Variants in CCDC141 observed in about 807,000 individuals in gnomAD.
The protein encoded by CCDC141 is coiled-coil domain-containing protein 141.
CCDC141 carries 168 observed loss-of-function variants against 181.0 expected under a neutral mutation model. The ratio of observed to expected loss-of-function variants is 0.93; its 90% CI spans 0.82 to 1.05. The LOEUF (loss-of-function observed/expected upper bound fraction) is 1.05, where lower values mean the gene tolerates loss of function less well. Among genes scored for constraint, CCDC141 ranks in the 50% least tolerant of loss-of-function variants. The probability of loss-of-function intolerance (pLI) is 0.00; values close to 1 mark genes in which losing one functional copy is unlikely to be tolerated. For missense variants in CCDC141, 1,902 were observed against 1,788.5 expected, an observed-to-expected ratio of 1.06 and a Z score of -1.14; for synonymous variants, 666 against 642.3, an observed-to-expected ratio of 1.04 and a Z score of -0.56.
intron 8 of CCDC141, among the ~76,000 whole-genome samples, chr2:178,888,964 A>G (rs184875272): frequency 1.1e-4 from 16 of 152,336 alleles, no homozygotes; most frequent in Admixed American, 3.3e-4. Context: ...ACCTTATGGC[A>G]AAGCCACAGT....
intron 5 of CCDC141, among the ~76,000 whole-genome samples, chr2:178,945,347 T>C (rs968283624): frequency 1.3e-5 from 2 of 152,312 alleles, no homozygotes; most frequent in Admixed American, 1.3e-4. Context: ...GTCCTTATGA[T>C]CACATCATAA....
intron 11 of CCDC141, among the ~76,000 whole-genome samples, chr2:178,879,454 C>A (rs1686496263): frequency 6.6e-6 from 1 of 152,112 alleles, no homozygotes; most frequent in Non-Finnish European, 1.5e-5. Flanking sequence ...TTATACATGC[C>A]TCTATGTTTT....
chr2:178,873,396 T>C (rs1686206911), intron 12 of CCDC141: 2 of 152,204 alleles, frequency 1.3e-5, no homozygotes, highest in East Asian at 3.9e-4. Context: ...TAATGATACA[T>C]AATAAATTAT....
At chr2:178,897,508 G>GT (rs1313565332) in intron 8 of CCDC141, among the ~76,000 whole-genome samples, 2 of 152,200 alleles carry the variant, frequency 1.3e-5, no homozygotes, top group Admixed American at 6.5e-5. Flanking sequence ...TAAGAAGGCA[G>GT]TAAGTGTTGG....
At chr2:178,888,221 T>G (rs140208412) in intron 9 of CCDC141, among the ~76,000 whole-genome samples, 1 of 152,158 alleles carries the variant, frequency 6.6e-6, no homozygotes, top group Non-Finnish European at 1.5e-5. Flanking sequence ...CTCAGAACCA[T>G]GCAAATGAAA....
At chr2:178,850,286 TTGC>T (rs2154367039) in intron 20 of CCDC141, 125 bp from the exon 21 acceptor site, 1 of 609,122 alleles carries the variant, frequency 1.6e-6, no homozygotes, top group African/African-American at 1.9e-5. Context: ...TAATAAATAT[TTGC>T]TGAAGAGATA....
chr2:178,864,053 A>G (rs1685732760), intron 17 of CCDC141, among the ~76,000 whole-genome samples: 1 of 152,206 alleles, frequency 6.6e-6, no homozygotes, highest in South Asian at 2.1e-4. Context: ...CATAAATGTC[A>G]CAGCTCTACA....
intron 4 of CCDC141, among the ~76,000 whole-genome samples, chr2:178,962,277 A>T (rs1690439823): frequency 6.6e-6 from 1 of 152,000 alleles, no homozygotes; most frequent in African/African-American, 2.4e-5. Context: ...AGTTGAGAAT[A>T]GCACATTGAG....
intron 6 of CCDC141, among the ~76,000 whole-genome samples, chr2:178,943,326 T>TG (rs1477351257): frequency 2.0e-5 from 3 of 152,222 alleles, no homozygotes; most frequent in African/African-American, 7.2e-5. Flanking sequence ...AACAGTCTTC[T>TG]GTAAGTGCAC....
At chr2:179,040,364 T>C (rs1255784857) in intron 2 of CCDC141, among the ~76,000 whole-genome samples, 4 of 152,256 alleles carry the variant, frequency 2.6e-5, no homozygotes, top group Non-Finnish European at 5.9e-5. Flanking sequence ...ACCCCTCTTC[T>C]TTCTTTTATT....
At chr2:178,825,479 A>AT (rs1205059426), downstream of CCDC141, 1 of 151,908 alleles carries the variant, frequency 6.6e-6, no homozygotes, top group African/African-American at 2.4e-5. Context: ...ATTTCCTTCT[A>AT]TTTTTTCTCT....
intron 7 of CCDC141, among the ~76,000 whole-genome samples, chr2:178,917,113 G>A (rs1009705032): frequency 3.3e-5 from 5 of 152,122 alleles, no homozygotes; most frequent in Admixed American, 2.0e-4. Context: ...GTTTGTACTG[G>A]AAGCATTGCT....
chr2:178,885,911 T>C (rs1300842586), intron 10 of CCDC141, among the ~76,000 whole-genome samples: 1 of 152,228 alleles, frequency 6.6e-6, no homozygotes, highest in Non-Finnish European at 1.5e-5. Context: ...TGCTTCATGA[T>C]AGCACTCTGG....
intron 2 of CCDC141, among the ~76,000 whole-genome samples, chr2:179,020,619 G>C (rs2042668053): frequency 6.6e-6 from 1 of 152,092 alleles, no homozygotes; most frequent in Non-Finnish European, 1.5e-5. Flanking sequence ...TAATAAACCT[G>C]AGCAAGTCCC....
Position 178,853,542 on chromosome 2 carries a change from A to G in CCDC141, c.3143T>C (p.Val1048Ala), listed in dbSNP as rs1323438893. Residue 1048 changes from valine (V) to alanine (A), a missense_variant, in exon 20 of 24, where the codon GTG (valine) becomes GCG (alanine). Coordinates refer to ENST00000443758, the MANE Select transcript of CCDC141 (RefSeq NM_173648.4). ...YSTECKTKEA[V>A]KILHQQFNKF... ...ATTAAACTGCTGGTGGAGAATTTTC[A>G]CAGCTTCCTTTGTCTTGCACTCTGT... The G allele has an allele frequency of 6.2e-7, 1 of 1,613,986 alleles. No homozygotes were observed. Among genetic ancestry groups the G allele is most frequent in the African/African-American group, 1.3e-5 (1 of 74,936 alleles).
At chr2:178,911,152 A>T (rs552843631) in intron 7 of CCDC141, among the ~76,000 whole-genome samples, 1 of 152,362 alleles carries the variant, frequency 6.6e-6, no homozygotes, top group South Asian at 2.1e-4. Flanking sequence ...TTATTCAAAA[A>T]ACATTGAAAT....
intron 6 of CCDC141, among the ~76,000 whole-genome samples, chr2:178,924,972 T>C (rs1688858498): frequency 6.6e-6 from 1 of 152,216 alleles, no homozygotes; most frequent in African/African-American, 2.4e-5. Flanking sequence ...GCCTTGCTTT[T>C]ACTTCAGTGC....
intron 2 of CCDC141, among the ~76,000 whole-genome samples, chr2:179,041,996 G>C (rs1425766447): frequency 2.0e-5 from 3 of 152,118 alleles, no homozygotes; most frequent in African/African-American, 7.2e-5. Flanking sequence ...GACAATATTA[G>C]ATCATTGACA....
In CCDC141 at chr2:178,845,696, T is replaced by C. The variant is rs1281543698; in HGVS notation, c.3404A>G (p.Tyr1135Cys). The C allele has an allele frequency of 6.2e-7, 1 of 1,612,628 alleles. No individual in the cohort carries two copies. Among genetic ancestry groups the C allele is most frequent in the Admixed American group, 1.7e-5 (1 of 59,982 alleles). The stretch of plus-strand genomic sequence containing the variant: ...TTCCTTTAGCAAGTCAATGTAATCA[T>C]AATGGAAGTCTTCCAAATTCGGATT... ...KMNPNLEDFH[Y>C]DYIDLLKEPA... is the part of the protein sequence containing the mutation. The change falls in exon 22 of 24, where the codon TAT becomes TGT. Residue 1135 changes from tyrosine (Y) to cysteine (C), a missense_variant. Physicochemically the swap from Tyr to Cys is radical, Grantham distance 194. Transcript: ENST00000443758.
Sources: allele counts gnomAD v4.1 joint callset (sites outside exome capture counted in the v4.1 genomes callset), GRCh38; gene constraint gnomAD v4.1.1; transcripts MANE v1.5; gene names NCBI Gene and HGNC (gene_info 2026-07-23, HGNC 2026-07-21).